The following SH3TC1 variants were observed in gnomAD, a reference collection of about 807,000 sequenced individuals.
SH3TC1 encodes SH3 domain and tetratricopeptide repeats 1, also known as SH3 domain and tetratricopeptide repeat-containing protein 1.
SH3TC1 carries 135 observed loss-of-function variants against 117.3 expected under a neutral mutation model. That is an observed-to-expected ratio of 1.15 (90% CI 1.00 to 1.33). The LOEUF is 1.33. Among genes scored for constraint, SH3TC1 ranks in the 40% most tolerant of loss-of-function variants. The pLI is 0.00. For synonymous variants in SH3TC1, 898 were observed against 816.9 expected (o/e 1.10, Z -1.69); for missense variants, 2,092 against 1,794.3 (o/e 1.17, Z -3.00).
At position 8,183,275 on chromosome 4, in the gene SH3TC1, G is replaced by A. The variant is rs1717127810; in HGVS notation, c.-57+1065G>A. The stretch of plus-strand genomic sequence containing the variant: ...TTACAGAGGAAGGCCGGCGCTCAAG[G>A]TGGCAGGACTGGCTGAGGACCACGG... On this transcript the variant is annotated intron_variant, in intron 1 of 16. Transcript: ENST00000508641. The surrounding 1 kb of genome is among the most constrained non-coding windows in gnomAD (Gnocchi z 5.4). Among the ~76,000 whole-genome samples the A allele has an allele frequency of 6.6e-6, 1 of 152,206 alleles. No individual in the cohort carries two copies. Among genetic ancestry groups the A allele is most frequent in the Non-Finnish European group, 1.5e-5 (1 of 68,032 alleles).
Position 8,233,445 on chromosome 4 carries a change from G to T in SH3TC1, c.3214G>T (p.Ala1072Ser). Residue 1072 changes from alanine to serine, a missense_variant, in exon 14 of 18, where the codon GCC becomes TCC. By Grantham distance (99) the Ala-to-Ser change is moderately conservative. Transcript: ENST00000245105. ...CCAGAAGAAAGAGAAGGAGGCGCAT[G>T]CCTGGCTGCAAGCAGGGAAGATCTA... ...DLQKKEKEAHAWLQAGKIYYI... is the reference protein window; with the variant it reads ...DLQKKEKEAHSWLQAGKIYYI... The T allele has an allele frequency of 6.2e-7, 1 of 1,613,988 alleles. No homozygotes were observed. The highest frequency in any genetic ancestry group is 8.5e-7 in the Non-Finnish European group (1 of 1,179,924).
At chr4:8,204,604 G>A (rs1718048021) in intron 1 of SH3TC1, among the ~76,000 whole-genome samples, 1 of 152,196 alleles carries the variant, frequency 6.6e-6, no homozygotes, top group South Asian at 2.1e-4. Context: ...TCTCTTATTA[G>A]CGCCTCTGTC....
intron 14 of SH3TC1, among the ~76,000 whole-genome samples, chr4:8,234,779 C>A (rs991492395): frequency 2.0e-5 from 3 of 152,254 alleles, no homozygotes; most frequent in African/African-American, 4.8e-5. Flanking sequence ...GTGCCCAGCA[C>A]CTGCTGGTAT....
chr4:8,239,748 C>A (rs1271394923), intron 17 of SH3TC1, among the ~76,000 whole-genome samples: 1 of 152,230 alleles, frequency 6.6e-6, no homozygotes, highest in Non-Finnish European at 1.5e-5. Flanking sequence ...CCTGGGCCCC[C>A]ACAGGCTCCT....
At position 8,217,024 on chromosome 4, in the gene SH3TC1, TGGCCCCCA is replaced by T; in HGVS notation, c.702_709del (p.Leu237GlyfsTer45). The T allele has an allele frequency of 6.2e-7, 1 of 1,613,760 alleles. No individual in the cohort carries two copies. On this transcript the variant is annotated frameshift_variant, in exon 7 of 18. Transcript: ENST00000245105. LOFTEE classifies it high-confidence loss of function. ...TGACGGGTCCCCGGGATGCAGGAAA[TGGCCCCCA>T]GGCCCTCAGGCAGGCTTCGGGGGCA...
rs1429439203 is a variant in SH3TC1 at position 8,240,854 on chromosome 4, G to A, written c.3910G>A (p.Ala1304Thr). Residue 1304 changes from alanine (A) to threonine (T), a missense_variant, in exon 18 of 18, where the codon GCC becomes ACC. Coordinates refer to ENST00000245105, the MANE Select transcript of SH3TC1 (RefSeq NM_018986.5). Reference sequence around the variant, plus strand: ...GAAGTCGCTCTTCTTCTACCAGAAGGCCAGGACCTTCGCCACAGAGCTCAA... The same window carrying A: ...GAAGTCGCTCTTCTTCTACCAGAAGACCAGGACCTTCGCCACAGAGCTCAA... ...REKSLFFYQK[A>T]RTFATELNVR... 1 of 1,613,736 alleles carries A rather than the reference G, an allele frequency of 6.2e-7. No individual in the cohort carries two copies. Among genetic ancestry groups the A allele is most frequent in the Non-Finnish European group, 8.5e-7 (1 of 1,180,042 alleles).
At chr4:8,217,487 C>T (rs560709985) in intron 7 of SH3TC1, among the ~76,000 whole-genome samples, 55 of 152,346 alleles carry the variant, frequency 3.6e-4, no homozygotes, top group South Asian at 2.9e-3. Context: ...ATAAAACATG[C>T]GTATCCAGAG....
At chr4:8,203,517 G>A (rs1333115847) in intron 1 of SH3TC1, among the ~76,000 whole-genome samples, 1 of 152,032 alleles carries the variant, frequency 6.6e-6, no homozygotes, top group Non-Finnish European at 1.5e-5. Flanking sequence ...GGGGGTGCTG[G>A]GGAAGGAAAC....
rs1224803444 is a variant in SH3TC1, at chr4:8,209,815, TCC to T, written c.242_243del (p.Pro81HisfsTer35). 3 of 1,613,418 alleles carry T rather than the reference TCC, an allele frequency of 1.9e-6. No homozygotes were observed. The highest frequency in any genetic ancestry group is 2.5e-6 in the Non-Finnish European group (3 of 1,179,956). ...GTPPCQMGVY[P>X]TDLTLQLLAV... ...CCCCTCCCTGCCAGATGGGGGTTTATCCCACAGGTAAACATCCTGGGCCCTAC... is the reference window on the plus strand; with the variant it reads ...CCCCTCCCTGCCAGATGGGGGTTTATCACAGGTAAACATCCTGGGCCCTAC... On this transcript the variant is annotated frameshift_variant, in exon 3 of 18. Transcript: ENST00000245105. LOFTEE classifies it high-confidence loss of function. This position sits in a 1 kb window ranked among gnomAD's most constrained non-coding sequence, Gnocchi z 5.9.
chr4:8,202,675 C>T (rs903592492), intron 1 of SH3TC1, among the ~76,000 whole-genome samples: 9 of 152,190 alleles, frequency 5.9e-5, no homozygotes, highest in African/African-American at 2.2e-4. Flanking sequence ...CCTCTGCAAG[C>T]CTTGCTGGCC....
intron 6 of SH3TC1, 43 bp from the exon 7 acceptor site, chr4:8,216,914 C>T (rs374459763): frequency 5.6e-6 from 9 of 1,600,444 alleles, no homozygotes; most frequent in Non-Finnish European, 7.7e-6. Flanking sequence ...CACAGCTGCG[C>T]CCAGTCCGGC....
intron 16 of SH3TC1, 158 bp from the exon 17 acceptor site, chr4:8,237,316 C>T (rs1421238256): frequency 1.6e-6 from 1 of 615,962 alleles, no homozygotes; most frequent in Non-Finnish European, 2.7e-6. Context: ...ATTAGTTCTG[C>T]TTTGTAGATG....
At chr4:8,218,063 C>T (rs1354306089) in intron 7 of SH3TC1, among the ~76,000 whole-genome samples, 1 of 152,122 alleles carries the variant, frequency 6.6e-6, no homozygotes, top group Non-Finnish European at 1.5e-5. Flanking sequence ...TGCGGGGCTC[C>T]CTGGGGGCAG....
At chr4:8,201,717 G>A (rs1186894236) in intron 1 of SH3TC1, 1 of 152,274 alleles carries the variant, frequency 6.6e-6, no homozygotes, top group Non-Finnish European at 1.5e-5. Flanking sequence ...AACAGCAGGT[G>A]GGAAATTCCC....
At chr4:8,226,477 G>A (rs750948176) in intron 11 of SH3TC1, among the ~76,000 whole-genome samples, 2 of 152,208 alleles carry the variant, frequency 1.3e-5, no homozygotes, top group Non-Finnish European at 2.9e-5. Context: ...TACCAATTTT[G>A]CATAGCAGCT....
At chr4:8,201,206 T>C (rs1409344134) in intron 1 of SH3TC1, among the ~76,000 whole-genome samples, 1 of 152,108 alleles carries the variant, frequency 6.6e-6, no homozygotes, top group Non-Finnish European at 1.5e-5. Flanking sequence ...CCCTCTCCCT[T>C]CTTCTTCCAA....
chr4:8,233,232 A>C lies in SH3TC1; in HGVS notation c.3132-131A>C, dbSNP rs933459571. 3 of 1,441,186 alleles carry C rather than the reference A, an allele frequency of 2.1e-6. No homozygotes were observed. The African/African-American group carries it at 4.3e-5, about 21-fold the overall frequency. 89.3% of individuals were successfully genotyped at this position (1,441,186 alleles called of 1,614,324 possible). On this transcript the variant is annotated intron_variant, in intron 13 of 17. Transcript: ENST00000245105. ...ACCCTCTCAGCAGCCCGGGAAGGGC[A>C]GGACACTGCACACACAAGAGGGCCG...
At chr4:8,202,004 C>T (rs921681368) in intron 1 of SH3TC1, among the ~76,000 whole-genome samples, 21 of 152,188 alleles carry the variant, frequency 1.4e-4, no homozygotes, top group African/African-American at 4.6e-4. Flanking sequence ...GCGTTCGGAG[C>T]GAAAGACCCC....
Position 8,228,109 on chromosome 4 carries a change from C to G in SH3TC1, c.2415C>G (p.Ala805=), listed in dbSNP as rs749801523. ...LYSHHGCHGP[A]ITFMTQAVEA... ...GCCACCATGGCTGCCACGGCCCGGC[C>G]ATCACCTTCATGACGCAGGCAGTGG... The change falls in exon 12 of 18, where the codon GCC becomes GCG. Residue 805 remains alanine (A), a synonymous_variant. Transcript: ENST00000245105. 2 of 1,611,600 alleles carry G rather than the reference C, an allele frequency of 1.2e-6. No homozygotes were observed. The highest frequency in any genetic ancestry group is 2.2e-5 in the South Asian group (2 of 90,936).
Sources: allele counts gnomAD v4.1 joint callset (sites outside exome capture counted in the v4.1 genomes callset), GRCh38; gene constraint gnomAD v4.1.1; non-coding constraint Gnocchi (gnomAD v3.1); transcripts MANE v1.5; gene names NCBI Gene and HGNC (gene_info 2026-07-23, HGNC 2026-07-21).